Variants in SRGAP2C observed in about 807,000 individuals in gnomAD.
The protein encoded by SRGAP2C is SLIT-ROBO Rho GTPase activating protein 2C.
In SRGAP2C, 15 loss-of-function variants were observed where a neutral mutation model predicts 25.1. The ratio of observed to expected loss-of-function variants is 0.60; its 90% CI spans 0.40 to 0.92. The LOEUF (loss-of-function observed/expected upper bound fraction) is 0.92. SRGAP2C is among the 40% of genes least tolerant of loss of function. The pLI, the probability that SRGAP2C is intolerant of heterozygous loss-of-function variation, is 0.00. For missense variants in SRGAP2C, 144 were observed against 264.4 expected (o/e 0.54, Z 3.16); for synonymous variants, 44 against 96.6 (o/e 0.46, Z 3.19).
chr1:121,201,943 A>G (rs1654993086), intron 2 of SRGAP2C, among the ~76,000 whole-genome samples: 1 of 152,190 alleles, frequency 6.6e-6, no homozygotes, highest in Non-Finnish European at 1.5e-5. Context: ...TGCCTAGGCC[A>G]AGAGTGTCAG....
intron 3 of SRGAP2C, among the ~76,000 whole-genome samples, chr1:121,304,062 T>C (rs1553339171): frequency 1.3e-5 from 2 of 150,348 alleles, no homozygotes; most frequent in Non-Finnish European, 3.0e-5. Context: ...AAAAAAAAAA[T>C]TAGCCGGGCA....
chr1:121,278,114 T>TA (rs1221560787), intron 2 of SRGAP2C, among the ~76,000 whole-genome samples: 22 of 149,554 alleles, frequency 1.5e-4, no homozygotes, highest in East Asian at 5.9e-4. Flanking sequence ...CCAGCTAACT[T>TA]AAAAAAAAAA....
chr1:121,201,735 T>C (rs1421822251), intron 2 of SRGAP2C, among the ~76,000 whole-genome samples: 1 of 152,258 alleles, frequency 6.6e-6, no homozygotes, highest in Non-Finnish European at 1.5e-5. Flanking sequence ...AGCAAGGCTA[T>C]TTGGCCTGTG....
intron 2 of SRGAP2C, among the ~76,000 whole-genome samples, chr1:121,268,338 A>G (rs1553334696): frequency 6.6e-6 from 1 of 151,144 alleles, no homozygotes; most frequent in South Asian, 2.1e-4. Context: ...TTTGCTTGCC[A>G]TGTTCTATGA....
intron 4 of SRGAP2C, among the ~76,000 whole-genome samples, chr1:121,362,464 C>T (rs1284734782): frequency 6.6e-6 from 1 of 152,046 alleles, no homozygotes; most frequent in Non-Finnish European, 1.5e-5. Flanking sequence ...TCTGCCTGGG[C>T]TTAATTGCTG....
At chr1:121,354,419 T>C (rs1170762337) in intron 4 of SRGAP2C, among the ~76,000 whole-genome samples, 6 of 72,380 alleles carry the variant, frequency 8.3e-5, no homozygotes, top group South Asian at 4.3e-4. Context: ...TTTTTTTTTT[T>C]CTGAGTCTTG....
At chr1:121,320,882 C>T (rs1480310337) in intron 3 of SRGAP2C, among the ~76,000 whole-genome samples, 6,905 of 152,074 alleles carry the variant, frequency 0.045, 537 homozygotes, top group African/African-American at 0.16. Context: ...TGTTGATTTT[C>T]GCTACCCAAC....
intron 2 of SRGAP2C, among the ~76,000 whole-genome samples, chr1:121,228,686 A>G (rs376849480): frequency 2.3e-4 from 35 of 152,022 alleles, no homozygotes; most frequent in Non-Finnish European, 2.9e-5. Context: ...ATGGGCAACA[A>G]TATGGTCATT....
chr1:121,205,037 C>CA (rs1228295226), intron 2 of SRGAP2C, among the ~76,000 whole-genome samples: 52 of 1,930 alleles, frequency 0.027, 1 homozygote, highest in East Asian at 0.12. Context: ...GACCCTGTCT[C>CA]AAAAAAAAAA....
intron 1 of SRGAP2C, chr1:121,185,612 G>A: frequency 3.8e-6 from 1 of 262,234 alleles, no homozygotes; most frequent in Non-Finnish European, 6.6e-6. Context: ...CCGCCCCGAT[G>A]GACTTCTCTT....
chr1:121,321,121 A>G (rs1658194786), intron 3 of SRGAP2C, among the ~76,000 whole-genome samples: 1 of 145,490 alleles, frequency 6.9e-6, no homozygotes, highest in Admixed American at 6.9e-5. Flanking sequence ...GGGTTTACAT[A>G]AAACAATGCT....
chr1:121,385,667 C>G (rs1659944018), intron 8 of SRGAP2C, among the ~76,000 whole-genome samples: 1 of 152,176 alleles, frequency 6.6e-6, no homozygotes, highest in African/African-American at 2.4e-5. Context: ...TCTCTGCAGA[C>G]AAGAGGCTAA....
intron 2 of SRGAP2C, among the ~76,000 whole-genome samples, chr1:121,236,304 T>TA (rs587726608): frequency 5.8e-4 from 88 of 151,878 alleles, no homozygotes; most frequent in African/African-American, 2.0e-3. Context: ...GCCTCACTCT[T>TA]ACAAAGATTC....
intron 2 of SRGAP2C, among the ~76,000 whole-genome samples, chr1:121,244,330 G>T (rs1656190136): frequency 9.0e-6 from 1 of 111,494 alleles, no homozygotes; most frequent in East Asian, 2.1e-4. Flanking sequence ...GTATGAATGG[G>T]ATTTCAGTGA....
At chr1:121,212,215 C>T (rs1355513305) in intron 2 of SRGAP2C, among the ~76,000 whole-genome samples, 6 of 116,724 alleles carry the variant, frequency 5.1e-5, no homozygotes, top group African/African-American at 2.0e-4. Flanking sequence ...ACTGCAACCT[C>T]CACCTCCCGG....
chr1:121,287,993 A>T (rs1204687516), intron 3 of SRGAP2C, among the ~76,000 whole-genome samples: 1 of 149,090 alleles, frequency 6.7e-6, no homozygotes, highest in East Asian at 2.0e-4. Context: ...CACTAGCAAG[A>T]TTTATTGCAA....
intron 2 of SRGAP2C, among the ~76,000 whole-genome samples, chr1:121,213,289 A>G (rs1230744757): frequency 2.7e-5 from 4 of 149,370 alleles, no homozygotes; most frequent in African/African-American, 9.9e-5. Context: ...CGAGCAATCC[A>G]CCTGCCTCTG....
intron 3 of SRGAP2C, among the ~76,000 whole-genome samples, chr1:121,315,245 G>A (rs1468953071): frequency 8.5e-5 from 13 of 152,132 alleles, no homozygotes; most frequent in Admixed American, 7.8e-4. Flanking sequence ...CTGGGCTCAC[G>A]CGATCTTCCC....
At chr1:121,324,415 G>A (rs1393620961) in intron 3 of SRGAP2C, 63 bp from the exon 4 acceptor site, 94 of 1,446,804 alleles carry the variant, frequency 6.5e-5, no homozygotes, top group Admixed American at 5.0e-4. Flanking sequence ...ACGGACTATA[G>A]TTGTAGATGT....
Sources: allele counts gnomAD v4.1 joint callset (sites outside exome capture counted in the v4.1 genomes callset), GRCh38; gene constraint gnomAD v4.1.1; transcripts MANE v1.5; gene names NCBI Gene and HGNC (gene_info 2026-07-23, HGNC 2026-07-21).